BEND4: variants seen among roughly 807,000 people sequenced by gnomAD.
BEND4 encodes the protein BEN domain-containing protein 4.
Under a neutral mutation model 54.7 loss-of-function variants are expected in BEND4, and 27 were observed. The ratio of observed to expected loss-of-function variants is 0.49; its 90% confidence interval spans 0.36 to 0.68. BEND4 has a LOEUF of 0.68. Ranked by LOEUF, BEND4 falls within the 30% of genes least tolerant of loss-of-function variation. BEND4 has a pLI of 0.00. For synonymous variants in BEND4, 327 were observed against 299.5 expected (o/e 1.09, Z -0.95); for missense variants, 702 against 697.2 (o/e 1.01, Z -0.08).
intron 2 of BEND4, among the ~76,000 whole-genome samples, chr4:42,149,101 T>C (rs1405015211): frequency 2.6e-5 from 4 of 152,224 alleles, no homozygotes; most frequent in Non-Finnish European, 5.9e-5. Flanking sequence ...TTTCGTAACA[T>C]GAATGTTTTG....
rs981749411 is a variant in BEND4 at position 42,114,163 on chromosome 4, T to C, written c.*3355A>G. On this transcript the variant is annotated 3_prime_UTR_variant, in exon 6 of 6. Transcript: ENST00000502486. ...GAGTCAGTGAGAAATGTGACTTTAG[T>C]AACTGCTTGCAAAATACTGGTCCCC... The C allele has an allele frequency of 2.0e-5, 3 of 152,190 alleles. No homozygotes were observed. The highest frequency in any genetic ancestry group is 2.9e-5 in the Non-Finnish European group (2 of 68,050). The allele number at this position is 152,190 out of a possible 1,614,324, so 9.4% of individuals were successfully genotyped here.
rs1055082141 is a variant in BEND4 at position 42,113,707 on chromosome 4, C to T, written c.*3811G>A. 1 of 152,200 alleles carries T rather than the reference C, an allele frequency of 6.6e-6. No individual in the cohort carries two copies. The highest frequency in any genetic ancestry group is 2.4e-5 in the African/African-American group (1 of 41,446). The allele number at this position is 152,200 out of a possible 1,614,324, so 9.4% of individuals were successfully genotyped here. A position where few individuals can be genotyped will look rare whatever the true frequency, so the allele number is the denominator to read the frequency against. On this transcript the variant is annotated 3_prime_UTR_variant, in exon 6 of 6. Coordinates refer to ENST00000502486, the MANE Select transcript of BEND4 (RefSeq NM_207406.4). ...AAAAAATGGTTAATAATTTATCTCTCCTTATAATCCTGTAGGAATCTCTTA... is the reference window on the plus strand; with the variant it reads ...AAAAAATGGTTAATAATTTATCTCTTCTTATAATCCTGTAGGAATCTCTTA...
At chr4:42,122,558 A>G (rs1352412877) in intron 4 of BEND4, among the ~76,000 whole-genome samples, 2 of 152,190 alleles carry the variant, frequency 1.3e-5, no homozygotes, top group African/African-American at 4.8e-5. Flanking sequence ...ACCACTGAAT[A>G]TAAATTCGCA....
intron 3 of BEND4, among the ~76,000 whole-genome samples, chr4:42,134,686 C>T (rs554665707): frequency 1.3e-5 from 2 of 152,302 alleles, no homozygotes; most frequent in African/African-American, 4.8e-5. Flanking sequence ...ATCTGCATGA[C>T]GTGCTATGAA....
At position 42,117,678 on chromosome 4, in the gene BEND4, T is replaced by C. The variant is rs1369985790; in HGVS notation, c.1445A>G (p.Gln482Arg). 6.2e-7 allele frequency: 1 copy of C among 1,610,684 alleles called. No individual in the cohort carries two copies. The highest frequency in any genetic ancestry group is 8.5e-7 in the Non-Finnish European group (1 of 1,178,456). Residue 482 changes from glutamine to arginine, a missense_variant, in exon 6 of 6, where the codon CAG (glutamine) becomes CGG (arginine). Coordinates refer to ENST00000502486, the MANE Select transcript of BEND4 (RefSeq NM_207406.4). ...NPDWWMPSEE[Q>R]INKVFSDAVG... is the part of the protein sequence containing the mutation. ...AGCGTCGCTGAACACTTTGTTTATC[T>C]GCTCTTCCGAGGGCATCCACCAATC...
Position 42,120,169 on chromosome 4 carries a change from T to G in BEND4, c.1272A>C (p.Thr424=), listed in dbSNP as rs1403267979. 1 of 1,614,044 alleles carries G rather than the reference T, an allele frequency of 6.2e-7. No individual in the cohort carries two copies. The highest frequency in any genetic ancestry group is 2.2e-5 in the East Asian group (1 of 44,884). Residue 424 remains threonine, a synonymous_variant, in exon 5 of 6, where the codon ACA becomes ACC. Transcript: ENST00000502486. The part of the protein sequence containing the change: ...LLRYLIRFVF[T]TDELKYSCGL... ...CGCATGAGTACTTAAGCTCATCGGT[T>G]GTGAAAACAAATCTGATGAGGTATC...
rs1305210554 is a variant in BEND4 at position 42,117,550 on chromosome 4, T to C, written c.1573A>G (p.Asn525Asp). The change falls in exon 6 of 6, where the codon AAT becomes GAT. Residue 525 changes from asparagine (N) to aspartate (D), a missense_variant. Asn to Asp is a conservative substitution (Grantham distance 23). Transcript: ENST00000502486. ...CCAGATCCATCCTGGGAACTTTTAT[T>C]GAAGACTTCATCCTGAGAAGCCTGG... is the stretch of plus-strand genomic sequence containing the variant. ...DHQASQDEVF[N>D]KSSQDGSGD 1.9e-6 allele frequency: 3 copies of C among 1,612,584 alleles called. No individual in the cohort carries two copies. The highest frequency in any genetic ancestry group is 2.5e-6 in the Non-Finnish European group (3 of 1,179,442).
intron 2 of BEND4, among the ~76,000 whole-genome samples, chr4:42,150,576 G>A (rs892990915): frequency 8.5e-5 from 13 of 152,234 alleles, no homozygotes; most frequent in Non-Finnish European, 1.8e-4. Context: ...CAGGATTTGG[G>A]GGGCTTCAAA....
intron 3 of BEND4, among the ~76,000 whole-genome samples, chr4:42,141,633 C>G (rs2153147003): frequency 6.6e-6 from 1 of 152,180 alleles, no homozygotes; most frequent in Middle Eastern, 3.4e-3. Context: ...CCTAGCTACT[C>G]AGGAGGCTGA....
At chr4:42,124,059 A>C (rs1720175884) in intron 4 of BEND4, among the ~76,000 whole-genome samples, 1 of 152,242 alleles carries the variant, frequency 6.6e-6, no homozygotes, top group African/African-American at 2.4e-5. Flanking sequence ...CATGTAGTCA[A>C]TGTTATAAGA....
intron 3 of BEND4, among the ~76,000 whole-genome samples, chr4:42,138,911 A>G (rs950494770): frequency 1.3e-5 from 2 of 152,190 alleles, no homozygotes; most frequent in African/African-American, 4.8e-5. Flanking sequence ...TACAATTATG[A>G]TTTCTTCTTA....
intron 5 of BEND4, among the ~76,000 whole-genome samples, chr4:42,119,754 T>C (rs1719987724): frequency 6.6e-6 from 1 of 152,166 alleles, no homozygotes; most frequent in Non-Finnish European, 1.5e-5. Flanking sequence ...TGTGTTCCCC[T>C]ATGCTCCAGT....
At position 42,117,437 on chromosome 4, in the gene BEND4, G is replaced by T. The variant is rs1577743952; in HGVS notation, c.*81C>A. Reference sequence around the variant, plus strand: ...GACTATGGCAGAATGACAGGCTTTGGACTCTCAGGTGACAGGAACAGGACA... The same window carrying T: ...GACTATGGCAGAATGACAGGCTTTGTACTCTCAGGTGACAGGAACAGGACA... On this transcript the variant is annotated 3_prime_UTR_variant, in exon 6 of 6. Coordinates refer to ENST00000502486, the MANE Select transcript of BEND4 (RefSeq NM_207406.4). The T allele has an allele frequency of 1.8e-5, 17 of 950,180 alleles. 1 individual carries two copies. In the East Asian group the frequency reaches 4.2e-4, roughly 23 times the overall value. 58.9% of individuals were successfully genotyped at this position (950,180 alleles called of 1,614,324 possible).
In BEND4 at chr4:42,141,433, A is replaced by G. The variant is rs60764244; in HGVS notation, c.1054+1995T>C. Among the ~76,000 whole-genome samples the G allele has an allele frequency of 7.5e-3, 1,149 of 152,350 alleles. 18 individuals carry two copies. The highest frequency in any genetic ancestry group is 0.026 in the African/African-American group (1,100 of 41,588). The stretch of plus-strand genomic sequence containing the variant: ...GATACAAAGATACTGTACTAGGCAA[A>G]GAATATAGCTTATATTGGCCGGGTG... On this transcript the variant is annotated intron_variant, in intron 3 of 5. Coordinates refer to ENST00000502486, the MANE Select transcript of BEND4 (RefSeq NM_207406.4).
rs754925669 is a variant in BEND4 at position 42,143,918 on chromosome 4, G to A, written c.564C>T (p.Leu188=). 2.0e-6 allele frequency: 3 copies of A among 1,537,562 alleles called. No homozygotes were observed. Among genetic ancestry groups the A allele is most frequent in the Non-Finnish European group, 2.6e-6 (3 of 1,146,394 alleles). Residue 188 remains leucine, a synonymous_variant, in exon 3 of 6, where the codon CTC becomes CTT. Coordinates refer to ENST00000502486, the MANE Select transcript of BEND4 (RefSeq NM_207406.4). ...TGGACTGAGAATGGTTGGAGTCCAG[G>A]AGTTTTCCTCCACAATTTAAGAGGC... The part of the protein sequence containing the change: ...VLSLLNCGGK[L]LDSNHSQSMI...
chr4:42,118,404 C>A (rs1577744775), intron 5 of BEND4, among the ~76,000 whole-genome samples: 1 of 152,196 alleles, frequency 6.6e-6, no homozygotes, highest in East Asian at 1.9e-4. Context: ...GCCTCCAACA[C>A]AGATAATCAC....
Position 42,112,978 on chromosome 4 carries a change from T to C in BEND4, c.*4540A>G, listed in dbSNP as rs1475943180. On this transcript the variant is annotated 3_prime_UTR_variant, in exon 6 of 6. Transcript: ENST00000502486. ...TGAAGTGGTTATTTTTATCCAGCAC[T>C]TACATGACTGAAAGCAGCCATCACT... The C allele has an allele frequency of 6.6e-6, 1 of 152,210 alleles. No individual in the cohort carries two copies. The highest frequency in any genetic ancestry group is 2.4e-5 in the African/African-American group (1 of 41,450). The allele number at this position is 152,210 out of a possible 1,614,324, so 9.4% of individuals were successfully genotyped here.
intron 3 of BEND4, among the ~76,000 whole-genome samples, chr4:42,141,929 C>G (rs1720899899): frequency 6.6e-6 from 1 of 151,508 alleles, no homozygotes; most frequent in Non-Finnish European, 1.5e-5. Context: ...TTTTGAGACC[C>G]AGTCTCCCTC....
chr4:42,130,574 C>A (rs774185948), intron 3 of BEND4, among the ~76,000 whole-genome samples: 2 of 151,470 alleles, frequency 1.3e-5, no homozygotes, highest in Non-Finnish European at 2.9e-5. Flanking sequence ...CAGATGCTGG[C>A]GAGGCTGTGG....
Sources: allele counts gnomAD v4.1 joint callset (sites outside exome capture counted in the v4.1 genomes callset), GRCh38; gene constraint gnomAD v4.1.1; transcripts MANE v1.5; gene names NCBI Gene and HGNC (gene_info 2026-07-23, HGNC 2026-07-21).